Variants in GCKR observed in about 807,000 individuals in gnomAD.
The protein encoded by GCKR is glucokinase regulator, also known as glucokinase regulatory protein.
A neutral mutation model predicts 82.9 loss-of-function variants in GCKR; 73 were observed. The observed-to-expected ratio is 0.88, with a 90% confidence interval of 0.73 to 1.07. GCKR has a LOEUF of 1.07. Among genes scored for constraint, GCKR ranks in the 50% least tolerant of loss-of-function variants. The pLI is 0.00. For missense variants in GCKR, 784 were observed against 782.1 expected (o/e 1.00, Z -0.03); for synonymous variants, 294 against 291.8 (o/e 1.01, Z -0.08).
intron 16 of GCKR, chr2:27,509,473 A>C (rs1332383973): frequency 1.7e-5 from 7 of 405,836 alleles, no homozygotes; most frequent in Non-Finnish European, 3.1e-5. Context: ...TCAAGTAGGT[A>C]GGACCACAGG....
chr2:27,520,295 G>C (rs8179247), intron 17 of GCKR, among the ~76,000 whole-genome samples: 79 of 152,196 alleles, frequency 5.2e-4, no homozygotes, highest in Admixed American at 1.4e-3. Context: ...CAAAAAGAAG[G>C]CCTCATGGAA....
In GCKR at chr2:27,499,745, A is replaced by C. The variant is rs537763138; in HGVS notation, c.549+295A>C. ...AATGCAGCCAGCTGCCTGTTTTTAA[A>C]GTTTTTTGTTGTTGTTGTTTGTTTG... is the stretch of plus-strand genomic sequence containing the variant. On this transcript the variant is annotated intron_variant, in intron 7 of 18. Coordinates refer to ENST00000264717, the MANE Select transcript of GCKR (RefSeq NM_001486.4). 1.7e-4 allele frequency among the ~76,000 whole-genome samples: 26 copies of C among 152,260 alleles called. No homozygotes were observed. The South Asian group carries it at 5.0e-3, about 29-fold the overall frequency.
rs1455319511 is a variant in GCKR, at chr2:27,508,047, A to C, written c.1311A>C (p.Ala437=). ...AGACCAACCACATCCAGGCCCTGGC[A>C]CACAGCACCGTGGGTCAGACCTTGC... is the stretch of plus-strand genomic sequence containing the variant. ...KEKTNHIQAL[A]HSTVGQTLLI... Residue 437 remains alanine, a synonymous_variant, in exon 15 of 19, where the codon GCA becomes GCC. Transcript: ENST00000264717. 1.2e-6 allele frequency: 2 copies of C among 1,613,598 alleles called. No individual in the cohort carries two copies. The highest frequency in any genetic ancestry group is 2.7e-5 in the African/African-American group (2 of 74,914).
intron 7 of GCKR, among the ~76,000 whole-genome samples, chr2:27,499,824 T>G (rs1405316462): frequency 6.6e-6 from 1 of 150,682 alleles, no homozygotes; most frequent in Non-Finnish European, 1.5e-5. Context: ...ATGGCATGAT[T>G]TCGGCTCACT....
chr2:27,513,891 ATTAC>A (rs1323746616), intron 16 of GCKR, among the ~76,000 whole-genome samples: 1 of 148,472 alleles, frequency 6.7e-6, no homozygotes, highest in Non-Finnish European at 1.5e-5. Flanking sequence ...CTTCCTCATT[ATTAC>A]TTATTATTTG....
intron 16 of GCKR, among the ~76,000 whole-genome samples, chr2:27,513,348 T>C (rs560034435): frequency 1.3e-5 from 2 of 152,160 alleles, no homozygotes; most frequent in African/African-American, 2.4e-5. Context: ...CTGGCCAGCA[T>C]AGCAAAACCC....
intron 18 of GCKR, 89 bp from the exon 19 acceptor site, chr2:27,523,180 T>C: frequency 9.2e-7 from 1 of 1,091,112 alleles, no homozygotes; most frequent in Non-Finnish European, 1.4e-6. Context: ...ATTACAGGCG[T>C]GAGCCACTGC....
At chr2:27,497,721 T>C (rs1434187191) in intron 3 of GCKR, 91 bp downstream of exon 3, 1 of 799,568 alleles carries the variant, frequency 1.3e-6, no homozygotes, top group Non-Finnish European at 2.2e-6. Flanking sequence ...ATAGATCTCA[T>C]TCTCCTTTCT....
intron 16 of GCKR, among the ~76,000 whole-genome samples, chr2:27,515,256 G>GT (rs1669975854): frequency 6.6e-6 from 1 of 151,220 alleles, no homozygotes; most frequent in South Asian, 2.1e-4. Flanking sequence ...GATTACAGGC[G>GT]TGAGCCACCA....
intron 17 of GCKR, among the ~76,000 whole-genome samples, chr2:27,520,198 G>A (rs763259269): frequency 6.6e-6 from 1 of 152,024 alleles, no homozygotes; most frequent in Non-Finnish European, 1.5e-5. Context: ...CATTTAGTGA[G>A]CACCCACCAG....
intron 3 of GCKR, 84 bp downstream of exon 3, chr2:27,497,714 G>T (rs1669451462): frequency 1.2e-6 from 1 of 842,342 alleles, no homozygotes; most frequent in Non-Finnish European, 2.1e-6. Context: ...CACTTTGATA[G>T]ATCTCATTCT....
intron 16 of GCKR, among the ~76,000 whole-genome samples, chr2:27,509,297 C>T (rs1669823248): frequency 6.6e-6 from 1 of 152,204 alleles, no homozygotes; most frequent in Non-Finnish European, 1.5e-5. Flanking sequence ...GCGGAAGTTT[C>T]TCTGCCCCTG....
At chr2:27,507,441 G>A in intron 13 of GCKR, 130 bp downstream of exon 13, 1 of 768,068 alleles carries the variant, frequency 1.3e-6, no homozygotes. Context: ...ATATGGGTCA[G>A]AAGTCATGAG....
chr2:27,499,421 A>T lies in GCKR; in HGVS notation c.520A>T (p.Ile174Phe). The T allele has an allele frequency of 6.2e-7, 1 of 1,612,752 alleles. No individual in the cohort carries two copies. Among genetic ancestry groups the T allele is most frequent in the Non-Finnish European group, 8.5e-7 (1 of 1,178,746 alleles). The change falls in exon 7 of 19, where the codon ATT becomes TTT. Residue 174 changes from isoleucine (I) to phenylalanine (F), a missense_variant. Coordinates refer to ENST00000264717, the MANE Select transcript of GCKR (RefSeq NM_001486.4). ...GGTGGCTGCCGGGAAGAAGAGAGTG[A>T]TTGTCATTGGCATTTCTGTGGGACT... The part of the protein sequence containing the change: ...KKVAAGKKRV[I>F]VIGISVGLSA...
chr2:27,511,783 C>T (rs1669889656), intron 16 of GCKR, among the ~76,000 whole-genome samples: 1 of 151,680 alleles, frequency 6.6e-6, no homozygotes, highest in Admixed American at 6.6e-5. Context: ...TTCTTTTTTG[C>T]CTTCCGAAGT....
chr2:27,505,634 C>A, intron 9 of GCKR, 84 bp from the exon 10 acceptor site: 1 of 777,178 alleles, frequency 1.3e-6, no homozygotes, highest in East Asian at 2.5e-5. Flanking sequence ...GGTACTATCA[C>A]ATGCATGCCC....
intron 17 of GCKR, among the ~76,000 whole-genome samples, chr2:27,522,240 C>T (rs1670168276): frequency 6.6e-6 from 1 of 152,142 alleles, no homozygotes; most frequent in Admixed American, 6.6e-5. Flanking sequence ...TCCAGTTTAA[C>T]CCAGCCAGTC....
intron 8 of GCKR, among the ~76,000 whole-genome samples, chr2:27,503,104 C>A (rs1669625777): frequency 6.6e-6 from 1 of 152,216 alleles, no homozygotes; most frequent in African/African-American, 2.4e-5. Context: ...AGAATGTATT[C>A]CCACAAATGG....
At chr2:27,497,120 T>G in intron 1 of GCKR, 124 bp from the exon 2 acceptor site, 2 of 1,245,290 alleles carry the variant, frequency 1.6e-6, no homozygotes, top group Non-Finnish European at 2.4e-6. Flanking sequence ...GAGTTTCTGG[T>G]GTGGTATGTG....
Sources: gnomAD v4.1 joint callset for allele counts (sites outside exome capture counted in the v4.1 genomes callset) on GRCh38, gnomAD v4.1.1 for gene constraint, MANE v1.5 for transcripts, NCBI Gene and HGNC (gene_info 2026-07-23, HGNC 2026-07-21) for gene names.